BID: variants seen among roughly 807,000 people sequenced by gnomAD.
BID encodes the protein BH3 interacting domain death agonist, also known as BH3-interacting domain death agonist.
Under a neutral mutation model 17.4 loss-of-function variants are expected in BID, and 19 were observed. The observed-to-expected ratio is 1.09, with a 90% CI of 0.76 to 1.60. The LOEUF (loss-of-function observed/expected upper bound fraction) is 1.60. Ranked by LOEUF, BID falls within the 40% of genes most tolerant of loss-of-function variation. The pLI is 0.00. For synonymous variants in BID, 108 were observed against 102.8 expected, an observed-to-expected ratio of 1.05 and a Z score of -0.31; for missense variants, 226 against 256.0, an observed-to-expected ratio of 0.88 and a Z score of 0.80.
At chr22:17,770,925 C>T (rs1478735847) in intron 1 of BID, among the ~76,000 whole-genome samples, 1 of 152,234 alleles carries the variant, frequency 6.6e-6, no homozygotes, top group Non-Finnish European at 1.5e-5. Context: ...TGATCCGGAC[C>T]CGGAGCCAGA....
chr22:17,764,567 C>T (rs1225003940), intron 1 of BID, among the ~76,000 whole-genome samples: 1 of 152,194 alleles, frequency 6.6e-6, no homozygotes, highest in Non-Finnish European at 1.5e-5. Flanking sequence ...GGATCAATGC[C>T]CAATTCTGAG....
At chr22:17,756,399 T>A (rs2061583590) in intron 1 of BID, among the ~76,000 whole-genome samples, 1 of 30,020 alleles carries the variant, frequency 3.3e-5, no homozygotes, top group African/African-American at 9.7e-5. Context: ...TCTTTCTTTC[T>A]TTTCTTTTTT....
intron 1 of BID, among the ~76,000 whole-genome samples, chr22:17,763,677 C>T (rs564783461): frequency 2.0e-5 from 3 of 151,812 alleles, no homozygotes; most frequent in Non-Finnish European, 4.4e-5. Context: ...CAGCCACTCG[C>T]GCCCTTCTAT....
At position 17,771,459 on chromosome 22, in the gene BID, A is replaced by C. The variant is rs2061719915; in HGVS notation, c.-59+2922T>G. ...ACCCTGGCCAAGCTGATAGGATTCA[A>C]GGAGTGCGGCGGTGCAATCACAGCT... On this transcript the variant is annotated intron_variant, in intron 1 of 5. Coordinates refer to ENST00000622694, the MANE Select transcript of BID (RefSeq NM_001196.4). Among the ~76,000 whole-genome samples the C allele has an allele frequency of 2.6e-5, 4 of 151,428 alleles. 1 individual carries two copies. In the South Asian group the frequency reaches 6.3e-4, roughly 24 times the overall value.
Position 17,748,512 on chromosome 22 carries a change from A to AT in BID, c.12+1592_12+1593insA, listed in dbSNP as rs1394852477. On this transcript the variant is annotated intron_variant, in intron 2 of 5. Coordinates refer to ENST00000622694, the MANE Select transcript of BID (RefSeq NM_001196.4). ...GACACAGAGACTCAATCTCAAAAAA[A>AT]AAAATAAAAATAAAAAATAGAAGTA... 2.6e-5 allele frequency among the ~76,000 whole-genome samples: 4 copies of AT among 152,288 alleles called. No individual in the cohort carries two copies. In the East Asian group the frequency reaches 7.7e-4, roughly 29 times the overall value.
intron 3 of BID, among the ~76,000 whole-genome samples, chr22:17,742,829 G>C (rs2061470188): frequency 6.6e-6 from 1 of 152,260 alleles, no homozygotes; most frequent in South Asian, 2.1e-4. Flanking sequence ...GGCTGGATCT[G>C]GAAGTGGGTG....
At position 17,769,376 on chromosome 22, in the gene BID, C is replaced by A. The variant is rs1388492804; in HGVS notation, c.-59+5005G>T. On this transcript the variant is annotated intron_variant, in intron 1 of 5. Coordinates refer to ENST00000622694, the MANE Select transcript of BID (RefSeq NM_001196.4). The surrounding 1 kb of genome is among the most constrained non-coding windows in gnomAD (Gnocchi z 4.8). ...ATGTCTGCAGGGGTCCTCAGGGATA[C>A]CCAGAGGGAGAAACAAGGCTTTTGG... Among the ~76,000 whole-genome samples, 3 of 152,224 alleles carry A rather than the reference C, an allele frequency of 2.0e-5. No individual in the cohort carries two copies. The highest frequency in any genetic ancestry group is 4.4e-5 in the Non-Finnish European group (3 of 68,036).
intron 1 of BID, among the ~76,000 whole-genome samples, chr22:17,759,246 C>CAAAAAAAAAAAAA (rs61124020): frequency 7.8e-5 from 9 of 114,780 alleles, no homozygotes; most frequent in Non-Finnish European, 9.5e-5. Flanking sequence ...AAAAACAAAA[C>CAAAAAAAAAAAAA]AAAAAAAAAA....
chr22:17,750,154 T>C lies in BID; in HGVS notation c.-38A>G, dbSNP rs756181395. 6.2e-7 allele frequency: 1 copy of C among 1,613,208 alleles called. No individual in the cohort carries two copies. Among genetic ancestry groups the C allele is most frequent in the Non-Finnish European group, 8.5e-7 (1 of 1,179,878 alleles). On this transcript the variant is annotated 5_prime_UTR_variant, in exon 2 of 6. Coordinates refer to ENST00000622694, the MANE Select transcript of BID (RefSeq NM_001196.4). ...GCGGCAGCTCCGACTCACTCCTGGT[T>C]CACAGTGTCCCAGTGGCGACCTGGA...
intron 1 of BID, among the ~76,000 whole-genome samples, chr22:17,771,671 G>A (rs1032691718): frequency 6.6e-6 from 1 of 152,124 alleles, no homozygotes; most frequent in Non-Finnish European, 1.5e-5. Context: ...TTTGTGGCCT[G>A]TTTGCCATTT....
chr22:17,757,708 CAA>C (rs34700137), intron 1 of BID, among the ~76,000 whole-genome samples: 15 of 94,888 alleles, frequency 1.6e-4, no homozygotes, highest in Non-Finnish European at 1.2e-4. Flanking sequence ...GACTCCGTCT[CAA>C]AAAAAAAAAA....
At chr22:17,735,850 C>T (rs1396812680) in intron 5 of BID, among the ~76,000 whole-genome samples, 4 of 152,096 alleles carry the variant, frequency 2.6e-5, no homozygotes, top group African/African-American at 4.8e-5. Flanking sequence ...AGAGGAATCA[C>T]GATTCTGCCT....
At chr22:17,767,979 C>G (rs932114996) in intron 1 of BID, among the ~76,000 whole-genome samples, 21 of 152,292 alleles carry the variant, frequency 1.4e-4, no homozygotes, top group Middle Eastern at 3.4e-3. Flanking sequence ...ACATGAGTTA[C>G]AGCAGTTAAC....
chr22:17,755,982 C>T (rs1201206551), intron 1 of BID, among the ~76,000 whole-genome samples: 2 of 151,870 alleles, frequency 1.3e-5, no homozygotes, highest in Non-Finnish European at 2.9e-5. Context: ...AGTCTCCTGC[C>T]TCAGCCTCCT....
At chr22:17,760,750 C>A (rs1367348838) in intron 1 of BID, among the ~76,000 whole-genome samples, 1 of 152,164 alleles carries the variant, frequency 6.6e-6, no homozygotes, top group Non-Finnish European at 1.5e-5. Context: ...GGCCCAGAGG[C>A]TCTATTAGTC....
chr22:17,760,569 A>G (rs2061630727), intron 1 of BID, among the ~76,000 whole-genome samples: 1 of 152,170 alleles, frequency 6.6e-6, no homozygotes, highest in Non-Finnish European at 1.5e-5. Flanking sequence ...ACATCTAGAA[A>G]ACAGAAATGA....
At chr22:17,744,137 G>C in intron 2 of BID, 124 bp from the exon 3 acceptor site, 2 of 840,348 alleles carry the variant, frequency 2.4e-6, no homozygotes, top group South Asian at 3.3e-5. Context: ...GGGACCCTGT[G>C]GGCTGGAGGG....
chr22:17,763,248 A>AG (rs1365907916), intron 1 of BID, among the ~76,000 whole-genome samples: 7 of 105,938 alleles, frequency 6.6e-5, no homozygotes, highest in African/African-American at 3.1e-4. Flanking sequence ...ATTAATTATA[A>AG]CTTTTTTTTT....
chr22:17,748,501 A>G (rs1274936994), intron 2 of BID, among the ~76,000 whole-genome samples: 1 of 146,716 alleles, frequency 6.8e-6, no homozygotes, highest in Non-Finnish European at 1.5e-5. Flanking sequence ...CAGAGACTCA[A>G]TCTCAAAAAA....
Sources: gnomAD v4.1 joint callset for allele counts (sites outside exome capture counted in the v4.1 genomes callset) on GRCh38, gnomAD v4.1.1 for gene constraint, Gnocchi (gnomAD v3.1) non-coding constraint, MANE v1.5 for transcripts, NCBI Gene and HGNC (gene_info 2026-07-23, HGNC 2026-07-21) for gene names.